The following SRGAP2B variants were observed in gnomAD, a reference collection of about 807,000 sequenced individuals.
SRGAP2B encodes SLIT-ROBO Rho GTPase-activating protein 2B.
In SRGAP2B, 9 loss-of-function variants were observed where a neutral mutation model predicts 22.2. The ratio of observed to expected loss-of-function variants is 0.41; its 90% CI spans 0.24 to 0.71. The LOEUF (loss-of-function observed/expected upper bound fraction) is 0.71. SRGAP2B is among the 30% of genes least tolerant of loss of function. SRGAP2B has a pLI of 0.35. For missense variants in SRGAP2B, 114 were observed against 235.8 expected (o/e 0.48, Z 3.38); for synonymous variants, 36 against 87.4 (o/e 0.41, Z 3.28).
rs1268695688 is a variant in SRGAP2B, at chr1:144,909,518, T to C, written c.487-3444A>G. On this transcript the variant is annotated intron_variant, in intron 5 of 9. Transcript: ENST00000612199. The stretch of plus-strand genomic sequence containing the variant: ...AGGAGAATGGCATGAACCTGGGAGG[T>C]GGAGCTTGCAGTGAGCCGAGATCAC... Among the ~76,000 whole-genome samples the C allele has an allele frequency of 1.8e-4, 24 of 136,732 alleles. 1 individual carries two copies. Among genetic ancestry groups the C allele is most frequent in the African/African-American group, 6.2e-4 (21 of 34,086 alleles). 89.7% of individuals were successfully genotyped at this position (136,732 alleles called of 152,430 possible).
intron 2 of SRGAP2B, among the ~76,000 whole-genome samples, chr1:145,013,831 T>C (rs1299212628): frequency 6.6e-6 from 1 of 150,860 alleles, no homozygotes; most frequent in Non-Finnish European, 1.5e-5. Flanking sequence ...CTCAGATATA[T>C]CAAGTGAGTA....
intron 2 of SRGAP2B, among the ~76,000 whole-genome samples, chr1:145,083,965 A>C (rs1040705): frequency 8.2e-6 from 1 of 121,896 alleles, no homozygotes; most frequent in Non-Finnish European, 1.7e-5. Flanking sequence ...GAGAAGCACT[A>C]TGTGGGTGAA....
intron 2 of SRGAP2B, among the ~76,000 whole-genome samples, chr1:145,068,921 G>A (rs1353228753): frequency 6.8e-5 from 10 of 146,324 alleles, no homozygotes; most frequent in African/African-American, 2.6e-4. Context: ...GTGTGTGTGT[G>A]TGTGTGTGTG....
chr1:144,976,139 C>G (rs1303977446), intron 3 of SRGAP2B, among the ~76,000 whole-genome samples: 4 of 147,924 alleles, frequency 2.7e-5, no homozygotes, highest in African/African-American at 1.1e-4. Context: ...CTCGGCCTCC[C>G]AAAGTACTGG....
chr1:145,063,772 A>C (rs1553631832), intron 2 of SRGAP2B, among the ~76,000 whole-genome samples: 2 of 148,360 alleles, frequency 1.3e-5, no homozygotes, highest in Non-Finnish European at 1.5e-5. Context: ...ACCCATGTAT[A>C]CATGAAGCCT....
At chr1:145,079,960 G>C (rs1236236073) in intron 2 of SRGAP2B, among the ~76,000 whole-genome samples, 2 of 149,726 alleles carry the variant, frequency 1.3e-5, no homozygotes, top group Non-Finnish European at 3.0e-5. Flanking sequence ...GTTTGTCCCA[G>C]ACCAGATGTC....
chr1:144,933,284 T>C (rs1375074088), intron 4 of SRGAP2B, among the ~76,000 whole-genome samples: 1 of 149,336 alleles, frequency 6.7e-6, no homozygotes, highest in African/African-American at 2.5e-5. Context: ...CATGTAACTA[T>C]TCCTTCCATC....
In SRGAP2B at chr1:144,932,658, AT is replaced by A. The variant is rs1249967034; in HGVS notation, c.424-17905del. Among the ~76,000 whole-genome samples the A allele has an allele frequency of 7.9e-5, 10 of 127,170 alleles. No homozygotes were observed. The South Asian group carries it at 1.4e-3, about 17-fold the overall frequency. The allele number at this position is 127,170 out of a possible 152,430, so 83.4% of individuals were successfully genotyped here. ...GGCAAGTATGTAGACATTTAGAAGC[AT>A]TTTTTTTTAAAGCAAGAAAAAAGAC... is the stretch of plus-strand genomic sequence containing the variant. On this transcript the variant is annotated intron_variant, in intron 4 of 9. Transcript: ENST00000612199.
chr1:145,015,741 G>A (rs1460651162), intron 2 of SRGAP2B, among the ~76,000 whole-genome samples: 6 of 107,834 alleles, frequency 5.6e-5, no homozygotes, highest in African/African-American at 2.4e-4. Context: ...CGAAATAATC[G>A]AAGAAATTCA....
At chr1:144,960,362 G>T (rs782502341) in intron 3 of SRGAP2B, among the ~76,000 whole-genome samples, 2 of 150,834 alleles carry the variant, frequency 1.3e-5, no homozygotes, top group African/African-American at 5.0e-5. Flanking sequence ...CTCTGGAGTC[G>T]AAAGGAGACC....
chr1:144,904,132 T>G (rs1662812552), intron 7 of SRGAP2B, among the ~76,000 whole-genome samples: 1 of 148,810 alleles, frequency 6.7e-6, no homozygotes, highest in African/African-American at 2.5e-5. Context: ...GGGCCAGATG[T>G]CAGGGGGAGC....
Position 144,931,700 on chromosome 1 carries a change from G to A in SRGAP2B, c.424-16946C>T, listed in dbSNP as rs1258188891. ...GCAGTTCAAAGGGCAAATGGCAAAA[G>A]CATGTCTCACCACGCACCCTGGCCA... On this transcript the variant is annotated intron_variant, in intron 4 of 9. Coordinates refer to ENST00000612199, the Ensembl canonical transcript of SRGAP2B. Among the ~76,000 whole-genome samples the A allele has an allele frequency of 1.0e-4, 15 of 149,506 alleles. 1 individual carries two copies. Among genetic ancestry groups the A allele is most frequent in the African/African-American group, 3.8e-4 (15 of 39,466 alleles).
intron 3 of SRGAP2B, among the ~76,000 whole-genome samples, chr1:144,962,860 A>G (rs1176531544): frequency 6.6e-5 from 10 of 151,836 alleles, no homozygotes; most frequent in Admixed American, 5.9e-4. Flanking sequence ...ATTATGGGCT[A>G]GCCACTATTC....
chr1:145,058,645 A>T (rs2102402008), intron 2 of SRGAP2B, among the ~76,000 whole-genome samples: 1 of 78,348 alleles, frequency 1.3e-5, no homozygotes, highest in African/African-American at 5.6e-5. Flanking sequence ...TTTTTTTGAG[A>T]CGTTGTCTCA....
intron 3 of SRGAP2B, among the ~76,000 whole-genome samples, chr1:144,990,953 C>T (rs1439625436): frequency 1.3e-5 from 2 of 150,772 alleles, no homozygotes; most frequent in Middle Eastern, 3.4e-3. Context: ...GGCTCCTGTG[C>T]GGCCGGAGCC....
At chr1:144,905,008 G>A in intron 7 of SRGAP2B, 83 bp downstream of exon 7, 1 of 678,722 alleles carries the variant, frequency 1.5e-6, no homozygotes, top group Non-Finnish European at 2.7e-6. Flanking sequence ...CCAGATTCCT[G>A]AACAATAGTA....
intron 5 of SRGAP2B, among the ~76,000 whole-genome samples, chr1:144,907,083 C>T (rs1202841267): frequency 1.4e-5 from 2 of 146,418 alleles, no homozygotes; most frequent in Admixed American, 6.8e-5. Flanking sequence ...AAGTGTGATG[C>T]CATAAGATTT....
chr1:145,044,707 A>C, intron 2 of SRGAP2B, among the ~76,000 whole-genome samples: 1 of 133,794 alleles, frequency 7.5e-6, no homozygotes. Flanking sequence ...AAAACAGAAA[A>C]AGCAAGACAA....
At chr1:145,021,747 G>T (rs1382433129) in intron 2 of SRGAP2B, among the ~76,000 whole-genome samples, 3 of 148,956 alleles carry the variant, frequency 2.0e-5, no homozygotes, top group Non-Finnish European at 4.4e-5. Flanking sequence ...CCAGGAGGCA[G>T]AGGTTGCCGT....
Sources: allele counts gnomAD v4.1 joint callset (sites outside exome capture counted in the v4.1 genomes callset), GRCh38; gene constraint gnomAD v4.1.1; transcripts MANE v1.5; gene names NCBI Gene and HGNC (gene_info 2026-07-23, HGNC 2026-07-21).